DYNC1LI2: variants seen among roughly 807,000 people sequenced by gnomAD.
DYNC1LI2 encodes the protein cytoplasmic dynein 1 light intermediate chain 2.
DYNC1LI2 carries 19 observed loss-of-function variants against 57.8 expected under a neutral mutation model. That is an observed-to-expected ratio of 0.33 (90% CI 0.23 to 0.48). The LOEUF is 0.48. Ranked by LOEUF, DYNC1LI2 falls within the 20% of genes least tolerant of loss-of-function variation. DYNC1LI2 has a pLI of 0.99. For missense variants in DYNC1LI2, 470 were observed against 604.2 expected, an observed-to-expected ratio of 0.78 and a Z score of 2.33; for synonymous variants, 256 against 233.4, an observed-to-expected ratio of 1.10 and a Z score of -0.88.
chr16:66,732,237 A>G, intron 7 of DYNC1LI2, 102 bp downstream of exon 7: 1 of 1,400,908 alleles, frequency 7.1e-7, no homozygotes, highest in Non-Finnish European at 9.6e-7. Context: ...AGCTGGCTGT[A>G]GAAGACACAG....
In DYNC1LI2 at chr16:66,737,133, G is replaced by A. The variant is rs553295828; in HGVS notation, c.530-889C>T. ...ACTAAAAATGCAAAAATTAGCTAAG[G>A]ATGGTGGTGCACCTGTAGTCCCAGC... On this transcript the variant is annotated intron_variant, in intron 4 of 12. Coordinates refer to ENST00000258198, the MANE Select transcript of DYNC1LI2 (RefSeq NM_006141.3). 7.4e-4 allele frequency among the ~76,000 whole-genome samples: 113 copies of A among 152,120 alleles called. 1 individual carries two copies. Among genetic ancestry groups the A allele is most frequent in the Non-Finnish European group, 2.5e-4 (17 of 68,024 alleles).
Position 66,723,724 on chromosome 16 carries a change from A to G in DYNC1LI2, c.1477T>C (p.Ter493ArgextTer10), listed in dbSNP as rs1460868643. The stretch of plus-strand genomic sequence containing the variant: ...ACATATGCACTTTTTAAGGAGGTTC[A>G]GGCTTCATTTTCTGTTGAAGAGTTT... ...VTNSSTENEA[*>R] Residue 493 changes from the stop codon to arginine (R), a stop_lost, in exon 13 of 13, where the codon TGA becomes CGA. Coordinates refer to ENST00000258198, the MANE Select transcript of DYNC1LI2 (RefSeq NM_006141.3). The G allele has an allele frequency of 6.2e-7, 1 of 1,605,252 alleles. No homozygotes were observed. The highest frequency in any genetic ancestry group is 1.7e-5 in the Admixed American group (1 of 57,698).
At chr16:66,745,486 C>T (rs2017919081) in intron 3 of DYNC1LI2, among the ~76,000 whole-genome samples, 3 of 149,534 alleles carry the variant, frequency 2.0e-5, no homozygotes, top group Admixed American at 2.0e-4. Flanking sequence ...CCACGTTGTC[C>T]AGGCTGGTCC....
At position 66,723,696 on chromosome 16, in the gene DYNC1LI2, T is replaced by A. The variant is rs1384244272; in HGVS notation, c.*26A>T. The A allele has an allele frequency of 6.3e-7, 1 of 1,587,856 alleles. No homozygotes were observed. Among genetic ancestry groups the A allele is most frequent in the East Asian group, 2.2e-5 (1 of 44,778 alleles). Reference sequence around the variant, plus strand: ...TCAATATACATAGTTATTTGGTCATTCGACATATGCACTTTTTAAGGAGGT... The same window carrying A: ...TCAATATACATAGTTATTTGGTCATACGACATATGCACTTTTTAAGGAGGT... On this transcript the variant is annotated 3_prime_UTR_variant, in exon 13 of 13. Coordinates refer to ENST00000258198, the MANE Select transcript of DYNC1LI2 (RefSeq NM_006141.3).
intron 3 of DYNC1LI2, among the ~76,000 whole-genome samples, chr16:66,742,913 CTT>C (rs1193563176): frequency 6.6e-6 from 1 of 152,172 alleles, no homozygotes; most frequent in Non-Finnish European, 1.5e-5. Context: ...AATCTCAACA[CTT>C]TGAGAGGCTG....
chr16:66,723,286 T>G lies in DYNC1LI2; in HGVS notation c.*436A>C. On this transcript the variant is annotated 3_prime_UTR_variant, in exon 13 of 13. Transcript: ENST00000258198. ...TCACTTGTCTCATTACTCCTTCTGG[T>G]CTTTCTTTCCTGGACTTTCTGCTAC... 1 of 455,458 alleles carries G rather than the reference T, an allele frequency of 2.2e-6. No homozygotes were observed. Among genetic ancestry groups the G allele is most frequent in the Non-Finnish European group, 4.4e-6 (1 of 225,910 alleles). The allele number at this position is 455,458 out of a possible 1,614,324, so 28.2% of individuals were successfully genotyped here. A position where few individuals can be genotyped will look rare whatever the true frequency, so the allele number is the denominator to read the frequency against.
intron 6 of DYNC1LI2, chr16:66,733,941 A>G (rs2017684431): frequency 5.3e-6 from 2 of 375,296 alleles, no homozygotes; most frequent in African/African-American, 4.2e-5. Context: ...GTAGGTGATC[A>G]CTTGAGGTCA....
intron 9 of DYNC1LI2, among the ~76,000 whole-genome samples, chr16:66,728,654 C>A (rs1413015407): frequency 7.9e-5 from 12 of 152,212 alleles, no homozygotes; most frequent in Admixed American, 7.9e-4. Context: ...CTCTCCTCAT[C>A]TGCAAAACAG....
chr16:66,751,547 G>C lies in DYNC1LI2; in HGVS notation c.45C>G (p.Asn15Lys), dbSNP rs755357986. ...CGCCGGCGGCCGCCACCGCGGGCCC[G>C]TTGGGACCTAGCAGCAGCTTCTTCT... ...GVEKKLLLGP[N>K]GPAVAAAGDL... Residue 15 changes from asparagine (N) to lysine (K), a missense_variant, in exon 1 of 13, where the codon AAC becomes AAG. By Grantham distance (94) the Asn-to-Lys change is moderately conservative. Coordinates refer to ENST00000258198, the MANE Select transcript of DYNC1LI2 (RefSeq NM_006141.3). This position sits in a 1 kb window ranked among gnomAD's most constrained non-coding sequence, Gnocchi z 5.2. 2.1e-5 allele frequency: 33 copies of C among 1,587,080 alleles called. No individual in the cohort carries two copies. Among genetic ancestry groups the C allele is most frequent in the Admixed American group, 3.5e-5 (2 of 57,672 alleles).
At chr16:66,742,380 T>C in intron 4 of DYNC1LI2, 58 bp downstream of exon 4, 2 of 1,545,550 alleles carry the variant, frequency 1.3e-6, no homozygotes, top group Non-Finnish European at 8.8e-7. Context: ...GGAAAGTGAT[T>C]CAAACCATCT....
At chr16:66,746,198 C>G (rs192811852) in intron 3 of DYNC1LI2, among the ~76,000 whole-genome samples, 2 of 152,054 alleles carry the variant, frequency 1.3e-5, no homozygotes, top group Non-Finnish European at 2.9e-5. Context: ...AGGCATGGTT[C>G]CTTTTTTCAG....
In DYNC1LI2 at chr16:66,729,688, T is replaced by C. The variant is rs569160138; in HGVS notation, c.1041+424A>G. On this transcript the variant is annotated intron_variant, in intron 8 of 12. Transcript: ENST00000258198. ...GCCTCCCAGGTTCAAGCAATTCTCC[T>C]GCCTCAGCCTCCCAACTGCTGGGAT... 2.7e-5 allele frequency among the ~76,000 whole-genome samples: 4 copies of C among 150,388 alleles called. No individual in the cohort carries two copies. In the East Asian group the frequency reaches 8.1e-4, roughly 30 times the overall value.
intron 3 of DYNC1LI2, 109 bp downstream of exon 3, chr16:66,749,087 GA>G: frequency 9.4e-7 from 1 of 1,069,216 alleles, no homozygotes; most frequent in Non-Finnish European, 1.4e-6. Flanking sequence ...AACTCTCTGA[GA>G]ACCAAACAGA....
rs1596987851 is a variant in DYNC1LI2 at position 66,730,156 on chromosome 16, C to T, written c.997G>A (p.Glu333Lys). Residue 333 changes from glutamate (E) to lysine (K), a missense_variant, in exon 8 of 13, where the codon GAA becomes AAA. Transcript: ENST00000258198. ...ACAATAAAGTCTTCATATGCATCTT[C>T]CGGCTTCACGGTTGTAAAATTTTCA... ...LHENFTTVKP[E>K]DAYEDFIVKP... is the part of the protein sequence containing the mutation. 1 of 1,614,066 alleles carries T rather than the reference C, an allele frequency of 6.2e-7. No homozygotes were observed. Among genetic ancestry groups the T allele is most frequent in the Non-Finnish European group, 8.5e-7 (1 of 1,180,020 alleles).
intron 7 of DYNC1LI2, chr16:66,731,422 G>A (rs2017634936): frequency 6.6e-6 from 1 of 152,284 alleles, no homozygotes. Context: ...AGAGCTCCTG[G>A]CTTTCACATT....
rs1018034041 is a variant in DYNC1LI2, at chr16:66,729,408, ACAC to A, written c.1042-312_1042-310del. Among the ~76,000 whole-genome samples the A allele has an allele frequency of 3.3e-5, 5 of 151,990 alleles. No individual in the cohort carries two copies. In the East Asian group the frequency reaches 7.7e-4, roughly 23 times the overall value. Reference sequence around the variant, plus strand: ...CAGCACTGGCAGGACTTAATGGGAAACACCACCAACTCCAGGTGAGCATTCCAT... The same window carrying A: ...CAGCACTGGCAGGACTTAATGGGAAACACCAACTCCAGGTGAGCATTCCAT... On this transcript the variant is annotated intron_variant, in intron 8 of 12. Coordinates refer to ENST00000258198, the MANE Select transcript of DYNC1LI2 (RefSeq NM_006141.3).
chr16:66,748,261 G>C (rs926118927), intron 3 of DYNC1LI2, among the ~76,000 whole-genome samples: 1 of 99,634 alleles, frequency 1.0e-5, no homozygotes, highest in African/African-American at 4.0e-5. Flanking sequence ...CTGGGTGACA[G>C]AGTAAAACCC....
At chr16:66,740,388 G>C (rs2144995875) in intron 4 of DYNC1LI2, among the ~76,000 whole-genome samples, 1 of 152,318 alleles carries the variant, frequency 6.6e-6, no homozygotes. Flanking sequence ...CAAGAGGATA[G>C]CCAACTGCTT....
intron 3 of DYNC1LI2, among the ~76,000 whole-genome samples, chr16:66,748,737 A>G (rs978959827): frequency 1.3e-5 from 2 of 152,162 alleles, no homozygotes; most frequent in Non-Finnish European, 2.9e-5. Flanking sequence ...AGAAACTACC[A>G]TTTCTAAACT....
Sources: gnomAD v4.1 joint callset for allele counts (sites outside exome capture counted in the v4.1 genomes callset) on GRCh38, gnomAD v4.1.1 for gene constraint, Gnocchi (gnomAD v3.1) non-coding constraint, MANE v1.5 for transcripts, NCBI Gene and HGNC (gene_info 2026-07-23, HGNC 2026-07-21) for gene names.